The following TRAPPC9 variants were observed in gnomAD, a reference collection of about 807,000 sequenced individuals.
TRAPPC9 encodes the protein trafficking protein particle complex subunit 9.
In TRAPPC9, 83 loss-of-function variants were observed where a neutral mutation model predicts 124.0. That is an observed-to-expected ratio of 0.67 (90% CI 0.56 to 0.80). TRAPPC9 has a LOEUF of 0.80. Among genes scored for constraint, TRAPPC9 ranks in the 30% least tolerant of loss-of-function variants. TRAPPC9 has a pLI of 0.00. For synonymous variants in TRAPPC9, 638 were observed against 617.5 expected (o/e 1.03, Z -0.49); for missense variants, 1,302 against 1,508.3 (o/e 0.86, Z 2.27).
intron 20 of TRAPPC9, among the ~76,000 whole-genome samples, chr8:139,906,871 C>A (rs961537703): frequency 2.6e-5 from 4 of 152,190 alleles, no homozygotes; most frequent in African/African-American, 9.7e-5. Flanking sequence ...GGGTGGCTTT[C>A]AAAGACATCA....
intron 21 of TRAPPC9, among the ~76,000 whole-genome samples, chr8:139,774,248 T>A (rs1031625840): frequency 6.6e-6 from 1 of 152,088 alleles, no homozygotes; most frequent in African/African-American, 2.4e-5. Flanking sequence ...CGGGCTGCCC[T>A]GTGAGAAGAG....
At chr8:139,809,663 T>G (rs1824301851) in intron 21 of TRAPPC9, among the ~76,000 whole-genome samples, 1 of 152,090 alleles carries the variant, frequency 6.6e-6, no homozygotes, top group Admixed American at 6.5e-5. Context: ...CTGCTCTCCC[T>G]GCAGAAGCCC....
intron 21 of TRAPPC9, among the ~76,000 whole-genome samples, chr8:139,854,313 G>A (rs768762528): frequency 2.0e-5 from 3 of 152,182 alleles, no homozygotes; most frequent in African/African-American, 7.2e-5. Flanking sequence ...TGGTTCCCTG[G>A]AGCCTCAGCT....
intron 17 of TRAPPC9, among the ~76,000 whole-genome samples, chr8:140,024,992 G>A (rs1204013438): frequency 6.6e-6 from 1 of 152,188 alleles, no homozygotes; most frequent in Non-Finnish European, 1.5e-5. Flanking sequence ...GCACAGTGGG[G>A]AGTACTCATG....
chr8:139,731,044 G>A lies in TRAPPC9; in HGVS notation c.*17C>T. The A allele has an allele frequency of 6.2e-7, 1 of 1,611,344 alleles. No individual in the cohort carries two copies. Among genetic ancestry groups the A allele is most frequent in the Non-Finnish European group, 8.5e-7 (1 of 1,179,742 alleles). On this transcript the variant is annotated 3_prime_UTR_variant, in exon 23 of 23. Coordinates refer to ENST00000438773, the MANE Select transcript of TRAPPC9 (RefSeq NM_001160372.4). The stretch of plus-strand genomic sequence containing the variant: ...TCACCTCTGGCCCTGCAGAAAGAGG[G>A]ACGGAAGTAGGCGGGCTCAGGCCTG...
Position 140,347,693 on chromosome 8 carries a change from A to G in TRAPPC9, c.1495+12357T>C, listed in dbSNP as rs372198003. On this transcript the variant is annotated intron_variant, in intron 9 of 22. Transcript: ENST00000438773. Reference sequence around the variant, plus strand: ...CTTGTTGTATTCAGAGCTGAGTTCAATCTCTCCTCTGTTGCAATAGAGTTG... The same window carrying G: ...CTTGTTGTATTCAGAGCTGAGTTCAGTCTCTCCTCTGTTGCAATAGAGTTG... 9.1e-4 allele frequency among the ~76,000 whole-genome samples: 139 copies of G among 152,276 alleles called. 2 individuals carry two copies. The highest frequency in any genetic ancestry group is 6.8e-3 in the Middle Eastern group (2 of 294).
intron 7 of TRAPPC9, among the ~76,000 whole-genome samples, chr8:140,395,722 CAA>C (rs1268564657): frequency 2.6e-5 from 4 of 152,138 alleles, no homozygotes; most frequent in African/African-American, 9.7e-5. Flanking sequence ...TTTGTGTGTT[CAA>C]AAGAGAAACT....
rs556559610 is a variant in TRAPPC9 at position 139,911,133 on chromosome 8, T to C, written c.2811-833A>G. On this transcript the variant is annotated intron_variant, in intron 19 of 22. Coordinates refer to ENST00000438773, the MANE Select transcript of TRAPPC9 (RefSeq NM_001160372.4). ...GTGGGAGGGACGCGGTGGGAGATAA[T>C]TGAATCATGGGGGTGGCTTCCCCCA... The C allele has an allele frequency of 2.0e-5, 3 of 152,058 alleles. 1 individual carries two copies. The highest frequency in any genetic ancestry group is 4.2e-4 in the South Asian group (2 of 4,784). 9.4% of individuals were successfully genotyped at this position (152,058 alleles called of 1,614,324 possible).
chr8:140,028,692 C>T lies in TRAPPC9; in HGVS notation c.2557-4613G>A, dbSNP rs145412666. 3.0e-3 allele frequency among the ~76,000 whole-genome samples: 450 copies of T among 152,352 alleles called. 3 individuals are homozygous for T. The highest frequency in any genetic ancestry group is 7.2e-3 in the Admixed American group (110 of 15,310). On this transcript the variant is annotated intron_variant, in intron 17 of 22. Transcript: ENST00000438773. ...TGTGGCACTTGAGAGGAAGAAGGCA[C>T]AGTGCCACCCTTGGGGCACTCGAGT...
At chr8:139,777,810 G>A in intron 21 of TRAPPC9, among the ~76,000 whole-genome samples, 1 of 152,220 alleles carries the variant, frequency 6.6e-6, no homozygotes, top group East Asian at 1.9e-4. Flanking sequence ...AGACACAAAT[G>A]AAGTGAGCCC....
In TRAPPC9 at chr8:140,449,751, G is replaced by A. The variant is rs149130581; in HGVS notation, c.584+1039C>T. Among the ~76,000 whole-genome samples the A allele has an allele frequency of 9.0e-3, 1,371 of 152,276 alleles. 29 individuals carry two copies. Among genetic ancestry groups the A allele is most frequent in the African/African-American group, 0.032 (1,316 of 41,546 alleles). Reference sequence around the variant, plus strand: ...AGGGAAAAAGTAGCCACATACGCAGGGTGCACAGCCTGGCAATCCGGAGAC... The same window carrying A: ...AGGGAAAAAGTAGCCACATACGCAGAGTGCACAGCCTGGCAATCCGGAGAC... On this transcript the variant is annotated intron_variant, in intron 2 of 22. Transcript: ENST00000438773.
intron 17 of TRAPPC9, among the ~76,000 whole-genome samples, chr8:140,066,456 A>G (rs1842900456): frequency 6.6e-6 from 1 of 152,222 alleles, no homozygotes; most frequent in Non-Finnish European, 1.5e-5. Flanking sequence ...CACACAATGA[A>G]TATCTCTTGA....
intron 17 of TRAPPC9, among the ~76,000 whole-genome samples, chr8:140,163,198 A>C (rs192151665): frequency 1.3e-5 from 2 of 152,278 alleles, no homozygotes; most frequent in East Asian, 3.9e-4. Flanking sequence ...CCCACTCCAC[A>C]GCCCCCACTC....
chr8:140,153,046 A>T (rs2061572607), intron 17 of TRAPPC9, among the ~76,000 whole-genome samples: 1 of 152,072 alleles, frequency 6.6e-6, no homozygotes, highest in Admixed American at 6.6e-5. Context: ...AAGGAATTTC[A>T]CCTTTATTTC....
Position 139,777,219 on chromosome 8 carries a change from TACC to T in TRAPPC9, c.3056-45020_3056-45018del, listed in dbSNP as rs373209281. 3.2e-4 allele frequency among the ~76,000 whole-genome samples: 48 copies of T among 152,368 alleles called. 1 individual carries two copies. The East Asian group carries it at 8.7e-3, about 28-fold the overall frequency. On this transcript the variant is annotated intron_variant, in intron 21 of 22. Coordinates refer to ENST00000438773, the MANE Select transcript of TRAPPC9 (RefSeq NM_001160372.4). ...TAGCAGGAAGTACTTCTGCACCACC[TACC>T]TTGGTTAGACCACATGCTCCTTAGG...
chr8:140,395,233 T>A (rs1408403935), intron 7 of TRAPPC9, among the ~76,000 whole-genome samples: 1 of 152,186 alleles, frequency 6.6e-6, no homozygotes, highest in Non-Finnish European at 1.5e-5. Flanking sequence ...TGTGGTGTTG[T>A]TTGTTTTTAC....
chr8:140,453,116 G>A (rs1414788452), intron 1 of TRAPPC9, among the ~76,000 whole-genome samples: 1 of 152,044 alleles, frequency 6.6e-6, no homozygotes, highest in African/African-American at 2.4e-5. Flanking sequence ...TAAAGGTTAG[G>A]GAGATTAAAT....
intron 19 of TRAPPC9, among the ~76,000 whole-genome samples, chr8:139,944,403 G>T (rs888247082): frequency 1.3e-5 from 2 of 152,258 alleles, no homozygotes; most frequent in African/African-American, 2.4e-5. Context: ...GATTTATAAT[G>T]TACATAGATC....
intron 21 of TRAPPC9, among the ~76,000 whole-genome samples, chr8:139,791,389 C>T (rs941724056): frequency 4.0e-5 from 6 of 148,210 alleles, no homozygotes; most frequent in African/African-American, 1.5e-4. Flanking sequence ...CACAGGTACC[C>T]GTCTCCACTG....
Sources: allele counts gnomAD v4.1 joint callset (sites outside exome capture counted in the v4.1 genomes callset), GRCh38; gene constraint gnomAD v4.1.1; transcripts MANE v1.5; gene names NCBI Gene and HGNC (gene_info 2026-07-23, HGNC 2026-07-21).